The following DTHD1 variants were observed in gnomAD, a reference collection of about 807,000 sequenced individuals.
The protein encoded by DTHD1 is death domain containing 1, also known as death domain-containing protein 1.
Under a neutral mutation model 74.8 loss-of-function variants are expected in DTHD1, and 59 were observed. That is an observed-to-expected ratio of 0.79 (90% CI 0.64 to 0.98). The LOEUF is 0.98. Among genes scored for constraint, DTHD1 ranks in the 50% least tolerant of loss-of-function variants. The pLI is 0.00. For missense variants in DTHD1, 1,051 were observed against 1,065.4 expected (o/e 0.99, Z 0.19); for synonymous variants, 365 against 371.1 (o/e 0.98, Z 0.19).
Position 36,347,261 on chromosome 4 carries a change from T to C in DTHD1, c.*3437T>C, listed in dbSNP as rs1759633566. Among the ~76,000 whole-genome samples, 3 of 152,228 alleles carry C rather than the reference T, an allele frequency of 2.0e-5. No homozygotes were observed. The South Asian group carries it at 6.2e-4, about 31-fold the overall frequency. On this transcript the variant is annotated 3_prime_UTR_variant, in exon 10 of 10. Transcript: ENST00000639862. ...TTCTGAAATTGGTTAAAATGAAATTTTGCAGTATATATTCTTTTATGTTTG... is the reference window on the plus strand; with the variant it reads ...TTCTGAAATTGGTTAAAATGAAATTCTGCAGTATATATTCTTTTATGTTTG...
chr4:36,305,102 T>A (rs1021717254), intron 5 of DTHD1, among the ~76,000 whole-genome samples: 2 of 152,186 alleles, frequency 1.3e-5, no homozygotes, highest in African/African-American at 4.8e-5. Flanking sequence ...AGGAAAATTG[T>A]ACAAGAAAGC....
intron 2 of DTHD1, among the ~76,000 whole-genome samples, chr4:36,285,707 A>T (rs1467404361): frequency 6.6e-6 from 1 of 152,076 alleles, no homozygotes; most frequent in East Asian, 1.9e-4. Context: ...GTTTTATTAC[A>T]TACTAATTCT....
intron 7 of DTHD1, among the ~76,000 whole-genome samples, chr4:36,314,470 T>C (rs1757582051): frequency 6.7e-6 from 1 of 148,448 alleles, no homozygotes; most frequent in Non-Finnish European, 1.5e-5. Flanking sequence ...TTCAGGAGAG[T>C]TCGAGACCAG....
chr4:36,299,757 A>C (rs962869146), intron 5 of DTHD1, among the ~76,000 whole-genome samples: 1 of 152,154 alleles, frequency 6.6e-6, no homozygotes, highest in Non-Finnish European at 1.5e-5. Flanking sequence ...TTCACATTCC[A>C]GTTTGAAATG....
At position 36,330,763 on chromosome 4, in the gene DTHD1, C is replaced by T. The variant is rs13112751; in HGVS notation, c.2341-8349C>T. On this transcript the variant is annotated intron_variant, in intron 8 of 9. Transcript: ENST00000639862. The stretch of plus-strand genomic sequence containing the variant: ...GCAATGATATAGTTACAAGTACATC[C>T]TCACTCAATACTTACATAAGCTTTT... 8.6e-3 allele frequency among the ~76,000 whole-genome samples: 1,310 copies of T among 152,234 alleles called. 9 individuals are homozygous for T. Among genetic ancestry groups the T allele is most frequent in the Middle Eastern group, 0.017 (5 of 294 alleles).
At position 36,283,816 on chromosome 4, in the gene DTHD1, A is replaced by G. The variant is rs1039289850; in HGVS notation, c.272-160A>G. The G allele has an allele frequency of 1.2e-5, 7 of 604,496 alleles. No individual in the cohort carries two copies. In the African/African-American group the frequency reaches 1.3e-4, roughly 11 times the overall value. 37.4% of individuals were successfully genotyped at this position (604,496 alleles called of 1,614,324 possible). ...TACAATTGTTAAAAGAGTGACAGTTATACAATTACTTCTCCTTCAGGAGTT... is the reference window on the plus strand; with the variant it reads ...TACAATTGTTAAAAGAGTGACAGTTGTACAATTACTTCTCCTTCAGGAGTT... On this transcript the variant is annotated intron_variant, in intron 1 of 9. Transcript: ENST00000639862.
In DTHD1 at chr4:36,297,821, G is replaced by A. The variant is rs16992038; in HGVS notation, c.1643+2782G>A. Among the ~76,000 whole-genome samples the A allele has an allele frequency of 9.7e-3, 1,482 of 152,186 alleles. 14 individuals are homozygous for A. Among genetic ancestry groups the A allele is most frequent in the African/African-American group, 0.034 (1,395 of 41,504 alleles). On this transcript the variant is annotated intron_variant, in intron 5 of 9. Transcript: ENST00000639862. The stretch of plus-strand genomic sequence containing the variant: ...GGAGCACCCACAGAATCAATTCCTC[G>A]AGTTCCCTAGTGAAGAAAGAGAATT...
intron 8 of DTHD1, among the ~76,000 whole-genome samples, chr4:36,337,235 A>G (rs532632655): frequency 3.3e-5 from 5 of 152,298 alleles, no homozygotes; most frequent in South Asian, 4.1e-4. Context: ...AAAATCCTTT[A>G]TGAAGGGGCC....
intron 7 of DTHD1, among the ~76,000 whole-genome samples, chr4:36,314,931 C>T (rs1355600263): frequency 2.0e-5 from 3 of 151,998 alleles, no homozygotes; most frequent in Non-Finnish European, 4.4e-5. Context: ...AGCTTTATTT[C>T]TCCTGTTCTA....
intron 2 of DTHD1, 93 bp downstream of exon 2, chr4:36,284,684 CA>C (rs1018489319): frequency 2.0e-6 from 2 of 978,106 alleles, no homozygotes; most frequent in African/African-American, 3.3e-5. Flanking sequence ...CAGGCTGCTA[CA>C]ACAAAACATC....
At chr4:36,318,654 G>A (rs530455574) in intron 8 of DTHD1, among the ~76,000 whole-genome samples, 7 of 124,022 alleles carry the variant, frequency 5.6e-5, no homozygotes, top group South Asian at 2.4e-4. Flanking sequence ...TCGCTCTGTC[G>A]CCCAGGCTGG....
intron 6 of DTHD1, 72 bp from the exon 7 acceptor site, chr4:36,308,132 G>A (rs1757163260): frequency 7.3e-7 from 1 of 1,367,758 alleles, no homozygotes; most frequent in Admixed American, 2.5e-5. Flanking sequence ...CTTTTCTTGG[G>A]TGTTATTAGA....
chr4:36,295,494 G>A (rs750510502), intron 5 of DTHD1, among the ~76,000 whole-genome samples: 1 of 151,934 alleles, frequency 6.6e-6, no homozygotes, highest in Admixed American at 6.6e-5. Context: ...AGGTGGATGA[G>A]CATTCATTCA....
At chr4:36,323,315 G>C (rs76358010) in intron 8 of DTHD1, among the ~76,000 whole-genome samples, 1 of 152,116 alleles carries the variant, frequency 6.6e-6, no homozygotes, top group East Asian at 1.9e-4. Context: ...GAATCAGTTC[G>C]TCAGAATCGC....
intron 8 of DTHD1, among the ~76,000 whole-genome samples, chr4:36,336,354 TTTG>T (rs71201019): frequency 1.3e-5 from 2 of 151,742 alleles, no homozygotes; most frequent in South Asian, 2.1e-4. Flanking sequence ...AATGGCACCT[TTTG>T]TTGTTGTTGT....
chr4:36,290,277 A>C, intron 2 of DTHD1, 96 bp from the exon 3 acceptor site: 1 of 1,270,342 alleles, frequency 7.9e-7, no homozygotes, highest in African/African-American at 1.5e-5. Context: ...ATTCACACCA[A>C]GACAATGTAG....
Position 36,316,360 on chromosome 4 carries a change from C to A in DTHD1, c.2214C>A (p.Tyr738Ter). Residue 738 changes from tyrosine to a stop codon, truncating the protein, a stop_gained, in exon 8 of 10, where the codon TAC (tyrosine) becomes TAA (stop). Coordinates refer to ENST00000639862, the MANE Select transcript of DTHD1 (RefSeq NM_001170700.3). LOFTEE classifies it high-confidence loss of function. ...TTGGAAACTATAGTTGCCCTCATTA[C>A]AAAGGCACCATTGTCGTTTATAAAG... is the stretch of plus-strand genomic sequence containing the variant. The part of the protein sequence containing the change: ...DEFGNYSCPH[Y>*]KGTIVVYKVP... 4 of 1,552,156 alleles carry A rather than the reference C, an allele frequency of 2.6e-6. No homozygotes were observed. Among genetic ancestry groups the A allele is most frequent in the Non-Finnish European group, 3.5e-6 (4 of 1,147,068 alleles).
Position 36,284,437 on chromosome 4 carries a change from A to T in DTHD1, c.733A>T (p.Thr245Ser). The T allele has an allele frequency of 1.3e-6, 2 of 1,537,170 alleles. No homozygotes were observed. The highest frequency in any genetic ancestry group is 1.7e-6 in the Non-Finnish European group (2 of 1,146,832). Residue 245 changes from threonine to serine, a missense_variant, in exon 2 of 10, where the codon ACA becomes TCA. Physicochemically the swap from Thr to Ser is moderately conservative, Grantham distance 58. Transcript: ENST00000639862. ...GGAAGAGACTCATGGCATAATTCAG[A>T]CAACAGAGACAGAAATTCAAGAGAC... ...NREETHGIIQ[T>S]TETEIQETSE...
chr4:36,290,357 C>A lies in DTHD1; in HGVS notation c.888-16C>A. ...ATCAAATAATTGGAAAAATGACATTCTTTTTCCCCCTCCAGGTATCTTGAT... is the reference window on the plus strand; with the variant it reads ...ATCAAATAATTGGAAAAATGACATTATTTTTCCCCCTCCAGGTATCTTGAT... On this transcript the variant is annotated splice_polypyrimidine_tract_variant and intron_variant, in intron 2 of 9. Transcript: ENST00000639862. 3 of 1,529,378 alleles carry A rather than the reference C, an allele frequency of 2.0e-6. No individual in the cohort carries two copies. The highest frequency in any genetic ancestry group is 2.4e-5 in the South Asian group (2 of 81,812). 94.7% of individuals were successfully genotyped at this position (1,529,378 alleles called of 1,614,324 possible).
Sources: gnomAD v4.1 joint callset for allele counts (sites outside exome capture counted in the v4.1 genomes callset) on GRCh38, gnomAD v4.1.1 for gene constraint, MANE v1.5 for transcripts, NCBI Gene and HGNC (gene_info 2026-07-23, HGNC 2026-07-21) for gene names.